Variants in CFI observed in about 807,000 individuals in gnomAD.
CFI encodes complement factor I.
CFI carries 66 observed loss-of-function variants against 78.8 expected under a neutral mutation model. That is an observed-to-expected ratio of 0.84 (90% CI 0.69 to 1.03). The LOEUF is 1.03. CFI is among the 50% of genes least tolerant of loss of function. The pLI, the probability that CFI is intolerant of heterozygous loss-of-function variation, is 0.00. For missense variants in CFI, 706 were observed against 704.5 expected (o/e 1.00, Z -0.02); for synonymous variants, 250 against 232.6 (o/e 1.07, Z -0.68).
intron 1 of CFI, among the ~76,000 whole-genome samples, chr4:109,796,682 T>C (rs28829108): frequency 0.18 from 27,269 of 152,076 alleles, 4,641 homozygotes; most frequent in African/African-American, 0.43. Flanking sequence ...CCTTTGGTCA[T>C]GGTTACTTGA....
intron 12 of CFI, 33 bp from the exon 13 acceptor site, chr4:109,741,143 A>T (rs1273387811): frequency 1.1e-5 from 18 of 1,612,894 alleles, no homozygotes; most frequent in Non-Finnish European, 1.4e-5. Flanking sequence ...AAAATCACAC[A>T]TTTCCTTCCA....
intron 1 of CFI, among the ~76,000 whole-genome samples, chr4:109,784,324 A>G (rs1246162220): frequency 6.6e-6 from 1 of 152,144 alleles, no homozygotes; most frequent in East Asian, 1.9e-4. Context: ...GAGGGAAATA[A>G]GCATAACAAA....
Position 109,740,869 on chromosome 4 carries a change from A to G in CFI, c.*24T>C. The G allele has an allele frequency of 1.9e-6, 3 of 1,578,740 alleles. No individual in the cohort carries two copies. Among genetic ancestry groups the G allele is most frequent in the Non-Finnish European group, 2.6e-6 (3 of 1,147,980 alleles). Reference sequence around the variant, plus strand: ...ATGGAACTCTTGAGAGAAAAAGAATAGAATGAAGAGAGAGATCACAATTTT... The same window carrying G: ...ATGGAACTCTTGAGAGAAAAAGAATGGAATGAAGAGAGAGATCACAATTTT... On this transcript the variant is annotated 3_prime_UTR_variant, in exon 13 of 13. Transcript: ENST00000394634.
At chr4:109,780,644 T>C (rs1009292617) in intron 1 of CFI, among the ~76,000 whole-genome samples, 1 of 152,214 alleles carries the variant, frequency 6.6e-6, no homozygotes, top group Non-Finnish European at 1.5e-5. Flanking sequence ...ATCCCATTAC[T>C]GGGCATATAC....
chr4:109,785,319 T>A (rs1005401974), intron 1 of CFI, among the ~76,000 whole-genome samples: 7 of 152,112 alleles, frequency 4.6e-5, no homozygotes, highest in Non-Finnish European at 1.0e-4. Flanking sequence ...AATAATGAAG[T>A]GTGATTAATG....
chr4:109,768,136 G>A (rs965181309), intron 1 of CFI, among the ~76,000 whole-genome samples: 1 of 116,758 alleles, frequency 8.6e-6, no homozygotes, highest in Admixed American at 1.0e-4. Context: ...CTGTTGTGGG[G>A]TGGGGGGAGG....
At chr4:109,799,137 T>C (rs935001075) in intron 1 of CFI, among the ~76,000 whole-genome samples, 1 of 152,286 alleles carries the variant, frequency 6.6e-6, no homozygotes, top group African/African-American at 2.4e-5. Flanking sequence ...AACTCCCCAA[T>C]ACACACAGGC....
intron 1 of CFI, among the ~76,000 whole-genome samples, chr4:109,787,241 A>G (rs1730855811): frequency 6.6e-6 from 1 of 152,172 alleles, no homozygotes; most frequent in Non-Finnish European, 1.5e-5. Context: ...ACAGCCAACT[A>G]TATAACTGTT....
At chr4:109,749,379 C>T in intron 9 of CFI, 58 bp from the exon 10 acceptor site, 1 of 1,532,860 alleles carries the variant, frequency 6.5e-7, no homozygotes, top group Admixed American at 1.7e-5. Flanking sequence ...ACAAACAGCC[C>T]TAAGATATTT....
At chr4:109,756,860 AGACTCCGT>A (rs1726222688) in intron 7 of CFI, among the ~76,000 whole-genome samples, 1 of 147,298 alleles carries the variant, frequency 6.8e-6, no homozygotes, top group African/African-American at 2.6e-5. Flanking sequence ...TACAAGACCG[AGACTCCGT>A]CTCGAAAGAA....
At chr4:109,774,368 A>G (rs1350794281) in intron 1 of CFI, among the ~76,000 whole-genome samples, 1 of 152,104 alleles carries the variant, frequency 6.6e-6, no homozygotes, top group Non-Finnish European at 1.5e-5. Flanking sequence ...GATTTTGGAG[A>G]AAACCTTCCC....
At chr4:109,749,149 C>A in intron 10 of CFI, 69 bp downstream of exon 10, 1 of 1,318,554 alleles carries the variant, frequency 7.6e-7, no homozygotes, top group South Asian at 1.2e-5. Context: ...GCTTTATCAT[C>A]TGCCACAATC....
At chr4:109,785,333 T>C (rs1404795809) in intron 1 of CFI, among the ~76,000 whole-genome samples, 1 of 152,136 alleles carries the variant, frequency 6.6e-6, no homozygotes, top group Admixed American at 6.6e-5. Context: ...ATTAATGGCA[T>C]TATTCCATGA....
chr4:109,751,190 C>T (rs569877630), intron 8 of CFI, among the ~76,000 whole-genome samples: 1 of 152,062 alleles, frequency 6.6e-6, no homozygotes, highest in Non-Finnish European at 1.5e-5. Flanking sequence ...TTTGTGTGAA[C>T]CTGCCCACTG....
chr4:109,741,667 A>G (rs566322082), intron 12 of CFI, among the ~76,000 whole-genome samples: 1 of 152,186 alleles, frequency 6.6e-6, no homozygotes, highest in Admixed American at 6.5e-5. Flanking sequence ...ATTTTGTGCT[A>G]TTCACCTATT....
At chr4:109,743,151 G>C (rs1316682951) in intron 11 of CFI, among the ~76,000 whole-genome samples, 1 of 152,174 alleles carries the variant, frequency 6.6e-6, no homozygotes, top group Non-Finnish European at 1.5e-5. Context: ...GCCCCACTCA[G>C]CCTCCCAAAG....
intron 1 of CFI, among the ~76,000 whole-genome samples, chr4:109,773,327 A>G (rs1243957847): frequency 6.6e-6 from 1 of 152,108 alleles, no homozygotes; most frequent in Non-Finnish European, 1.5e-5. Context: ...GGAGATAGAG[A>G]CCATCCTGGC....
chr4:109,740,684 A>C, downstream of CFI: 1 of 616,970 alleles, frequency 1.6e-6, no homozygotes, highest in Non-Finnish European at 2.9e-6. Context: ...TTTTCTGATA[A>C]ATAAAACTTG....
intron 7 of CFI, among the ~76,000 whole-genome samples, chr4:109,754,518 A>G (rs1030104684): frequency 5.0e-4 from 75 of 149,892 alleles, no homozygotes; most frequent in Non-Finnish European, 4.4e-4. Flanking sequence ...TCTGTGTTCT[A>G]GATTTCTTTG....
Sources: gnomAD v4.1 joint callset for allele counts (sites outside exome capture counted in the v4.1 genomes callset) on GRCh38, gnomAD v4.1.1 for gene constraint, MANE v1.5 for transcripts, NCBI Gene and HGNC (gene_info 2026-07-23, HGNC 2026-07-21) for gene names.